The following OPCML variants were observed in gnomAD, a reference collection of about 807,000 sequenced individuals.
The protein encoded by OPCML is opioid binding protein/cell adhesion molecule like.
OPCML carries 13 observed loss-of-function variants against 37.8 expected under a neutral mutation model. The ratio of observed to expected loss-of-function variants is 0.34; its 90% CI spans 0.22 to 0.55. The LOEUF (loss-of-function observed/expected upper bound fraction) is 0.55. Among genes scored for constraint, OPCML ranks in the 20% least tolerant of loss-of-function variants. The probability of loss-of-function intolerance (pLI) is 0.91; values close to 1 mark genes in which losing one functional copy is unlikely to be tolerated. For missense variants in OPCML, 341 were observed against 435.6 expected (o/e 0.78, Z 1.93); for synonymous variants, 176 against 168.8 (o/e 1.04, Z -0.33).
chr11:132,694,605 G>T (rs562779284), intron 2 of OPCML, among the ~76,000 whole-genome samples: 1 of 152,310 alleles, frequency 6.6e-6, no homozygotes, highest in East Asian at 1.9e-4. Context: ...GCTACATGCT[G>T]CCAGTTGCTT....
intron 2 of OPCML, among the ~76,000 whole-genome samples, chr11:132,922,100 G>A (rs913958449): frequency 1.4e-4 from 21 of 152,016 alleles, no homozygotes; most frequent in Middle Eastern, 3.4e-3. Flanking sequence ...GGCTGGTCTC[G>A]AACTCCTGAC....
intron 1 of OPCML, among the ~76,000 whole-genome samples, chr11:133,458,756 C>T (rs1449212491): frequency 2.5e-4 from 33 of 131,482 alleles, no homozygotes; most frequent in African/African-American, 9.4e-4. Context: ...TGTATATATA[C>T]ACATAGATGC....
Position 132,868,979 on chromosome 11 carries a change from G to A in OPCML, c.146+73947C>T, listed in dbSNP as rs78518036. On this transcript the variant is annotated intron_variant, in intron 2 of 7. Transcript: ENST00000524381. ...AGGATGCGCCCCTGGAGAAGCTGTGGGGAACGTGGCCTGTTCTGAGGAATG... is the reference window on the plus strand; with the variant it reads ...AGGATGCGCCCCTGGAGAAGCTGTGAGGAACGTGGCCTGTTCTGAGGAATG... 7.7e-3 allele frequency among the ~76,000 whole-genome samples: 1,169 copies of A among 152,292 alleles called. 23 individuals are homozygous for A. The highest frequency in any genetic ancestry group is 0.026 in the African/African-American group (1,064 of 41,546).
rs748591030 is a variant in OPCML at position 132,779,562 on chromosome 11, GC to G, written c.147-122244del. ...GTGATGATAGATAGACAGAAGGGGG[GC>G]GTGGGGAGAGAGAGAGAGAGATAGG... On this transcript the variant is annotated intron_variant, in intron 2 of 7. Coordinates refer to ENST00000524381, the MANE Select transcript of OPCML (RefSeq NM_001012393.5). 3.3e-3 allele frequency among the ~76,000 whole-genome samples: 502 copies of G among 151,528 alleles called. 8 individuals are homozygous for G. The highest frequency in any genetic ancestry group is 9.4e-3 in the African/African-American group (388 of 41,270).
intron 1 of OPCML, among the ~76,000 whole-genome samples, chr11:133,092,158 C>G (rs2137053940): frequency 1.3e-5 from 2 of 152,306 alleles, no homozygotes; most frequent in Admixed American, 1.3e-4. Context: ...CTGGAGGAGG[C>G]AACGGGGCAC....
intron 1 of OPCML, among the ~76,000 whole-genome samples, chr11:133,247,615 T>C (rs150114051): frequency 0.01 from 1,471 of 146,390 alleles, 21 homozygotes; most frequent in African/African-American, 0.036. Flanking sequence ...TTCTTTCTTT[T>C]TTTTTTGAGG....
chr11:132,861,822 G>A (rs937218459), intron 2 of OPCML, among the ~76,000 whole-genome samples: 1 of 147,448 alleles, frequency 6.8e-6, no homozygotes, highest in Non-Finnish European at 1.5e-5. Context: ...GCAACAGAGT[G>A]AGACTCCATC....
Position 133,189,350 on chromosome 11 carries a change from G to A in OPCML, c.62-246340C>T, listed in dbSNP as rs188796057. ...TCCACTTTTATTAGAGAAGCAAGGT[G>A]AAGACTAAGGAAGAAAGCTCTAGAT... is the stretch of plus-strand genomic sequence containing the variant. On this transcript the variant is annotated intron_variant, in intron 1 of 7. Coordinates refer to ENST00000524381, the MANE Select transcript of OPCML (RefSeq NM_001012393.5). Among the ~76,000 whole-genome samples the A allele has an allele frequency of 1.2e-4, 18 of 152,318 alleles. No homozygotes were observed. The East Asian group carries it at 2.5e-3, about 21-fold the overall frequency.
intron 1 of OPCML, among the ~76,000 whole-genome samples, chr11:133,352,998 C>T (rs1012096182): frequency 1.4e-4 from 22 of 152,216 alleles, no homozygotes; most frequent in Admixed American, 1.3e-4. Context: ...CTCTAACATA[C>T]GACAGGTGCC....
At chr11:133,432,677 G>A (rs1253807363) in intron 1 of OPCML, among the ~76,000 whole-genome samples, 9 of 152,138 alleles carry the variant, frequency 5.9e-5, no homozygotes, top group South Asian at 2.1e-4. Flanking sequence ...AGACCTACAT[G>A]GGAGTCTCTT....
intron 2 of OPCML, among the ~76,000 whole-genome samples, chr11:132,721,142 G>C (rs1944659972): frequency 1.3e-5 from 2 of 152,080 alleles, no homozygotes; most frequent in South Asian, 4.2e-4. Context: ...TATGTGCCAG[G>C]GTGTTTATTC....
intron 2 of OPCML, among the ~76,000 whole-genome samples, chr11:132,904,851 C>T (rs568755658): frequency 1.3e-5 from 2 of 152,158 alleles, no homozygotes; most frequent in Non-Finnish European, 2.9e-5. Flanking sequence ...CTTCAGAGGT[C>T]GTGAGTTTGT....
At chr11:132,639,648 G>A (rs1282317700) in intron 3 of OPCML, among the ~76,000 whole-genome samples, 1 of 152,200 alleles carries the variant, frequency 6.6e-6, no homozygotes, top group Non-Finnish European at 1.5e-5. Flanking sequence ...CAAATATACT[G>A]GCAAGTTGGT....
chr11:133,417,397 A>T (rs540966351), intron 1 of OPCML, among the ~76,000 whole-genome samples: 1 of 152,316 alleles, frequency 6.6e-6, no homozygotes, highest in East Asian at 1.9e-4. Context: ...GAAGAAACTA[A>T]AATGTAAAGA....
rs142476396 is a variant in OPCML at position 133,293,863 on chromosome 11, C to T, written c.61+238401G>A. ...GTCTGCTCTCTTTGAGCATATTACC[C>T]TTAACATCCTAAAGAAAAAAAAAAA... is the stretch of plus-strand genomic sequence containing the variant. On this transcript the variant is annotated intron_variant, in intron 1 of 7. Transcript: ENST00000524381. Among the ~76,000 whole-genome samples the T allele has an allele frequency of 4.7e-3, 687 of 145,724 alleles. 7 individuals are homozygous for T. The highest frequency in any genetic ancestry group is 0.017 in the African/African-American group (657 of 39,778).
chr11:133,163,701 T>G (rs1352745135), intron 1 of OPCML, among the ~76,000 whole-genome samples: 1 of 152,206 alleles, frequency 6.6e-6, no homozygotes, highest in South Asian at 2.1e-4. Context: ...AGGACTAATT[T>G]CAGAATGCTC....
intron 3 of OPCML, among the ~76,000 whole-genome samples, chr11:132,587,696 G>A (rs898482296): frequency 6.6e-6 from 1 of 152,196 alleles, no homozygotes; most frequent in East Asian, 1.9e-4. Context: ...ATAGGGCCAT[G>A]AGAATTCCAT....
At chr11:132,884,075 G>C (rs1943320847) in intron 2 of OPCML, among the ~76,000 whole-genome samples, 1 of 152,154 alleles carries the variant, frequency 6.6e-6, no homozygotes, top group Non-Finnish European at 1.5e-5. Context: ...TCTAATCGTA[G>C]AGCCAAAATT....
At chr11:133,435,768 T>G (rs1446401016) in intron 1 of OPCML, among the ~76,000 whole-genome samples, 1 of 152,246 alleles carries the variant, frequency 6.6e-6, no homozygotes, top group African/African-American at 2.4e-5. Context: ...CTGACTTTGT[T>G]TGCAAAACTC....
Sources: allele counts gnomAD v4.1 joint callset (sites outside exome capture counted in the v4.1 genomes callset), GRCh38; gene constraint gnomAD v4.1.1; transcripts MANE v1.5; gene names NCBI Gene and HGNC (gene_info 2026-07-23, HGNC 2026-07-21).